Variants in DENND5A observed in about 807,000 individuals in gnomAD.
DENND5A encodes DENN domain-containing protein 5A.
DENND5A carries 64 observed loss-of-function variants against 140.3 expected under a neutral mutation model. The ratio of observed to expected loss-of-function variants is 0.46; its 90% CI spans 0.37 to 0.56. The LOEUF is 0.56. Ranked by LOEUF, DENND5A falls within the 20% of genes least tolerant of loss-of-function variation. The probability of loss-of-function intolerance (pLI) is 0.00; values close to 1 mark genes in which losing one functional copy is unlikely to be tolerated. For synonymous variants in DENND5A, 605 were observed against 607.7 expected (o/e 1.00, Z 0.07); for missense variants, 1,292 against 1,593.8 (o/e 0.81, Z 3.22).
At chr11:9,195,836 T>C (rs979001255) in intron 4 of DENND5A, among the ~76,000 whole-genome samples, 2 of 152,038 alleles carry the variant, frequency 1.3e-5, no homozygotes, top group African/African-American at 4.8e-5. Flanking sequence ...ACACAGCTCC[T>C]AAAACCCTTG....
At chr11:9,194,006 G>C (rs557367804) in intron 4 of DENND5A, among the ~76,000 whole-genome samples, 10 of 152,330 alleles carry the variant, frequency 6.6e-5, no homozygotes, top group African/African-American at 2.4e-4. Flanking sequence ...TCTTAAGAAA[G>C]GGGGTAGGAG....
chr11:9,264,817 G>GC, intron 1 of DENND5A, 144 bp downstream of exon 1: 1 of 659,736 alleles, frequency 1.5e-6, no homozygotes, highest in South Asian at 1.9e-5. Context: ...CCAGTCCAAA[G>GC]CCCCCTTCGC....
chr11:9,173,869 C>T (rs1848455029), intron 8 of DENND5A, among the ~76,000 whole-genome samples: 1 of 152,048 alleles, frequency 6.6e-6, no homozygotes, highest in African/African-American at 2.4e-5. Flanking sequence ...CTTTGGGAGG[C>T]CGAGGCGGGC....
chr11:9,264,650 A>G (rs1417981069), intron 1 of DENND5A, among the ~76,000 whole-genome samples: 1 of 152,104 alleles, frequency 6.6e-6, no homozygotes, highest in Non-Finnish European at 1.5e-5. Context: ...GTGCCAGAGG[A>G]CAAGCTTTCC....
chr11:9,238,616 A>T (rs1002138608), intron 1 of DENND5A, among the ~76,000 whole-genome samples: 1 of 151,738 alleles, frequency 6.6e-6, no homozygotes, highest in Non-Finnish European at 1.5e-5. Flanking sequence ...GGGTTTCACC[A>T]TGTTAGCCAG....
rs749270404 is a variant in DENND5A at position 9,207,636 on chromosome 11, T to A, written c.110-4A>T. 1 of 1,601,898 alleles carries A rather than the reference T, an allele frequency of 6.2e-7. No homozygotes were observed. Among genetic ancestry groups the A allele is most frequent in the Non-Finnish European group, 8.6e-7 (1 of 1,169,222 alleles). ...GCCTGTATGTACTGGCATAATGCTA[T>A]ATGATAAATGAAATAACAGAGTATT... On this transcript the variant is annotated splice_region_variant and splice_polypyrimidine_tract_variant and intron_variant, in intron 1 of 22. Transcript: ENST00000328194.
At chr11:9,261,521 T>C (rs1009599759) in intron 1 of DENND5A, among the ~76,000 whole-genome samples, 8 of 152,114 alleles carry the variant, frequency 5.3e-5, no homozygotes, top group African/African-American at 1.9e-4. Flanking sequence ...CTCACGCCTG[T>C]AATCCTAGCA....
At chr11:9,258,661 T>TC (rs1305301737) in intron 1 of DENND5A, among the ~76,000 whole-genome samples, 6 of 151,934 alleles carry the variant, frequency 3.9e-5, no homozygotes, top group Admixed American at 6.6e-5. Flanking sequence ...TTTTGCTTGT[T>TC]CCCCCCGCAT....
chr11:9,151,553 C>T (rs760747194), intron 13 of DENND5A, among the ~76,000 whole-genome samples: 4 of 152,188 alleles, frequency 2.6e-5, no homozygotes, highest in Admixed American at 6.5e-5. Flanking sequence ...CGAGTTCATG[C>T]CCATCTTTTT....
rs566911186 is a variant in DENND5A, at chr11:9,198,343, A to AGT, written c.950-4664_950-4663dup. Among the ~76,000 whole-genome samples, 655 of 151,702 alleles carry AGT rather than the reference A, an allele frequency of 4.3e-3. 2 individuals carry two copies. Among genetic ancestry groups the AGT allele is most frequent in the Middle Eastern group, 0.024 (7 of 290 alleles). ...AAAAAAAGTAACCAGGGCTGGGCGC[A>AGT]GTGGCTCACACCTGTAATCCCAGCA... On this transcript the variant is annotated intron_variant, in intron 4 of 22. Coordinates refer to ENST00000328194, the MANE Select transcript of DENND5A (RefSeq NM_015213.4).
intron 1 of DENND5A, among the ~76,000 whole-genome samples, chr11:9,225,234 G>A (rs1850482356): frequency 6.6e-6 from 1 of 152,100 alleles, no homozygotes; most frequent in South Asian, 2.1e-4. Flanking sequence ...AAAAAGTGTT[G>A]ATATTAGCTC....
At chr11:9,200,057 A>C (rs1023837008) in intron 4 of DENND5A, among the ~76,000 whole-genome samples, 2 of 152,204 alleles carry the variant, frequency 1.3e-5, no homozygotes, top group Non-Finnish European at 2.9e-5. Flanking sequence ...ATTACATTCA[A>C]ACCTCCTAAA....
intron 1 of DENND5A, among the ~76,000 whole-genome samples, chr11:9,237,438 G>C (rs1159010018): frequency 6.6e-6 from 1 of 151,940 alleles, no homozygotes; most frequent in Non-Finnish European, 1.5e-5. Flanking sequence ...AAAAAGATAT[G>C]TTCTTCCTAG....
At chr11:9,145,330 G>T (rs1248946033) in intron 17 of DENND5A, 1 of 589,836 alleles carries the variant, frequency 1.7e-6, no homozygotes, top group Non-Finnish European at 3.0e-6. Flanking sequence ...AGAAGAACAG[G>T]GTCAGGGAGC....
intron 1 of DENND5A, among the ~76,000 whole-genome samples, chr11:9,257,349 C>T (rs1408562335): frequency 1.3e-5 from 2 of 149,198 alleles, no homozygotes; most frequent in African/African-American, 4.9e-5. Flanking sequence ...AATAAAGCTA[C>T]GGGCCTGGGA....
intron 1 of DENND5A, among the ~76,000 whole-genome samples, chr11:9,214,840 C>T (rs533990679): frequency 1.3e-3 from 199 of 152,344 alleles, no homozygotes; most frequent in South Asian, 4.6e-3. Flanking sequence ...TCTCCTGCCT[C>T]GGCCTCCCAA....
intron 1 of DENND5A, among the ~76,000 whole-genome samples, chr11:9,228,921 C>T (rs1850646195): frequency 6.6e-6 from 1 of 152,156 alleles, no homozygotes; most frequent in Non-Finnish European, 1.5e-5. Flanking sequence ...AAGTAAAGTA[C>T]TTTCCAGAGT....
At chr11:9,196,890 C>T (rs747301121) in intron 4 of DENND5A, among the ~76,000 whole-genome samples, 1 of 151,732 alleles carries the variant, frequency 6.6e-6, no homozygotes, top group African/African-American at 2.4e-5. Flanking sequence ...GGATTACAGG[C>T]GTGAGCCACC....
chr11:9,172,368 T>C (rs1186436274), intron 8 of DENND5A: 2 of 152,196 alleles, frequency 1.3e-5, no homozygotes, highest in African/African-American at 2.4e-5. Context: ...ACATTTTGTA[T>C]ATAGAGAAGA....
Sources: gnomAD v4.1 joint callset for allele counts (sites outside exome capture counted in the v4.1 genomes callset) on GRCh38, gnomAD v4.1.1 for gene constraint, MANE v1.5 for transcripts, NCBI Gene and HGNC (gene_info 2026-07-23, HGNC 2026-07-21) for gene names.